Variants in COL8A2 observed in about 807,000 individuals in gnomAD.
The protein encoded by COL8A2 is collagen type VIII alpha 2 chain.
In COL8A2, 16 loss-of-function variants were observed where a neutral mutation model predicts 24.0. The observed-to-expected ratio is 0.67, with a 90% CI of 0.45 to 1.01. COL8A2 has a LOEUF of 1.01. COL8A2 is among the 50% of genes least tolerant of loss of function. The pLI is 0.00. For synonymous variants in COL8A2, 466 were observed against 424.5 expected, an observed-to-expected ratio of 1.10 and a Z score of -1.20; for missense variants, 818 against 942.4, an observed-to-expected ratio of 0.87 and a Z score of 1.73.
chr1:36,100,887 C>CTTTTTTTTTTTTTT (rs139330748), intron 2 of COL8A2, among the ~76,000 whole-genome samples: 9 of 50,160 alleles, frequency 1.8e-4, no homozygotes, highest in African/African-American at 5.7e-4. Flanking sequence ...GCATTCAAGG[C>CTTTTTTTTTTTTTT]TTTTTTTTTT....
At chr1:36,102,664 G>GCTT (rs1553177881) in intron 2 of COL8A2, among the ~76,000 whole-genome samples, 2 of 94,780 alleles carry the variant, frequency 2.1e-5, no homozygotes, top group African/African-American at 4.2e-5. Context: ...TATAAAGCTG[G>GCTT]TTTTTTGTTT....
chr1:36,110,916 G>C (rs1643832289), intron 2 of COL8A2, among the ~76,000 whole-genome samples: 1 of 152,132 alleles, frequency 6.6e-6, no homozygotes, highest in Admixed American at 6.5e-5. Flanking sequence ...TGGACCTTGG[G>C]GAGGAGCAGA....
At position 36,099,983 on chromosome 1, in the gene COL8A2, C is replaced by G. The variant is rs274753; in HGVS notation, c.193+67G>C. ...GAGGGCGCCTGAGGATCTGATGGCT[C>G]TCAGGGAGGCAGGGGATTTGGGGGC... On this transcript the variant is annotated intron_variant, in intron 3 of 3. Coordinates refer to ENST00000397799, the MANE Select transcript of COL8A2 (RefSeq NM_005202.4). 1,335,684 of 1,500,240 alleles carry G rather than the reference C, an allele frequency of 0.89. 595,404 individuals carry two copies. Among genetic ancestry groups the G allele is most frequent in the East Asian group, 1 (43,967 of 43,984 alleles). 92.9% of individuals were successfully genotyped at this position (1,500,240 alleles called of 1,614,324 possible).
chr1:36,098,793 C>A lies in COL8A2; in HGVS notation c.888G>T (p.Gly296=). 1.9e-6 allele frequency: 3 copies of A among 1,612,118 alleles called. No homozygotes were observed. The highest frequency in any genetic ancestry group is 2.5e-6 in the Non-Finnish European group (3 of 1,179,738). Residue 296 remains glycine, a synonymous_variant, in exon 4 of 4, where the codon GGG becomes GGT. Coordinates refer to ENST00000397799, the MANE Select transcript of COL8A2 (RefSeq NM_005202.4). ...CCCGGGTCCCTGGCTCCCCTTTGGC[C>A]CCTGATGGGCCCTGTGGTCCTGGCA... The part of the protein sequence containing the change: ...AGLPGPQGPS[G]AKGEPGTRGP...
intron 2 of COL8A2, among the ~76,000 whole-genome samples, chr1:36,109,054 G>T (rs1643801658): frequency 6.6e-6 from 1 of 152,208 alleles, no homozygotes. Context: ...CACAGGGTGG[G>T]TGGATGAAAC....
intron 2 of COL8A2, among the ~76,000 whole-genome samples, chr1:36,105,792 TTAAAA>T (rs1234291894): frequency 6.6e-6 from 1 of 150,722 alleles, no homozygotes; most frequent in East Asian, 2.0e-4. Flanking sequence ...ACCAAAAAAA[TTAAAA>T]AGTTAGCCAG....
Position 36,098,658 on chromosome 1 carries a change from C to T in COL8A2, c.1023G>A (p.Glu341=), listed in dbSNP as rs370165687. 2 of 1,610,406 alleles carry T rather than the reference C, an allele frequency of 1.2e-6. No homozygotes were observed. Among genetic ancestry groups the T allele is most frequent in the African/African-American group, 2.7e-5 (2 of 74,920 alleles). ...CCCCTGGCTCCCCATCCTCCCCTGG[C>T]TCACCCCTGTCCCCCAAGAGTCCTG... is the stretch of plus-strand genomic sequence containing the variant. ...GVPGLLGDRG[E]PGEDGEPGEQ... is the part of the protein sequence containing the mutation. Residue 341 remains glutamate (E), a synonymous_variant, in exon 4 of 4, where the codon GAG becomes GAA. Coordinates refer to ENST00000397799, the MANE Select transcript of COL8A2 (RefSeq NM_005202.4).
At chr1:36,114,913 C>T (rs564380516) in intron 2 of COL8A2, among the ~76,000 whole-genome samples, 1 of 152,326 alleles carries the variant, frequency 6.6e-6, no homozygotes, top group African/African-American at 2.4e-5. Flanking sequence ...GACCAAGCCC[C>T]TGGCCTCTGC....
rs942490403 is a variant in COL8A2, at chr1:36,123,481, C to G, written c.-62+1576G>C. Among the ~76,000 whole-genome samples the G allele has an allele frequency of 2.0e-5, 3 of 152,200 alleles. No individual in the cohort carries two copies. Among genetic ancestry groups the G allele is most frequent in the South Asian group, 4.1e-4 (2 of 4,832 alleles). On this transcript the variant is annotated intron_variant, in intron 1 of 3. Transcript: ENST00000397799. This position sits in a 1 kb window ranked among gnomAD's most constrained non-coding sequence, Gnocchi z 4.1. ...TCCTCTGAGCCAAAGAGCGGAAATT[C>G]TCATTTTCACTGTGGTAGACGAAGT...
intron 2 of COL8A2, among the ~76,000 whole-genome samples, chr1:36,114,111 G>A (rs1265034137): frequency 6.6e-6 from 1 of 152,050 alleles, no homozygotes; most frequent in Admixed American, 6.5e-5. Flanking sequence ...GAGGTCAGGA[G>A]ATCAAGACTA....
intron 2 of COL8A2, among the ~76,000 whole-genome samples, chr1:36,108,512 G>A (rs569535614): frequency 8.5e-5 from 13 of 152,250 alleles, no homozygotes; most frequent in Non-Finnish European, 1.8e-4. Flanking sequence ...TTCAGAGGAC[G>A]GCGCAGTGGC....
chr1:36,100,139 G>A lies in COL8A2; in HGVS notation c.104C>T (p.Ala35Val), dbSNP rs530477885. ...GTACTTCACTGGGGCATAGCCCGCC[G>A]CCCCACCGGCCCCGCCACCAGAGGA... ...RASSGGGAGG[A>V]AGYAPVKYIQ... Residue 35 changes from alanine to valine, a missense_variant, in exon 3 of 4, where the codon GCG becomes GTG. Coordinates refer to ENST00000397799, the MANE Select transcript of COL8A2 (RefSeq NM_005202.4). 3.5e-5 allele frequency: 57 copies of A among 1,612,056 alleles called. 1 individual carries two copies. In the South Asian group the frequency reaches 3.7e-4, roughly 11 times the overall value.
intron 1 of COL8A2, among the ~76,000 whole-genome samples, chr1:36,121,683 G>A (rs2124114408): frequency 6.6e-6 from 1 of 151,376 alleles, no homozygotes; most frequent in South Asian, 2.1e-4. Flanking sequence ...CTCCAGCCTG[G>A]GTGACAAGAG....
intron 2 of COL8A2, among the ~76,000 whole-genome samples, chr1:36,108,692 G>A (rs1332292292): frequency 6.6e-6 from 1 of 152,160 alleles, no homozygotes; most frequent in Non-Finnish European, 1.5e-5. Flanking sequence ...GAGTGCTCTG[G>A]GATCTTTCAG....
At chr1:36,108,722 C>T (rs1261105838) in intron 2 of COL8A2, among the ~76,000 whole-genome samples, 1 of 152,014 alleles carries the variant, frequency 6.6e-6, no homozygotes, top group African/African-American at 2.4e-5. Flanking sequence ...GGCAGAGTGG[C>T]GGTGGTGTGC....
Position 36,108,446 on chromosome 1 carries a change from C to T in COL8A2, c.-17+7262G>A, listed in dbSNP as rs539195297. Among the ~76,000 whole-genome samples, 15 of 152,320 alleles carry T rather than the reference C, an allele frequency of 9.8e-5. No individual in the cohort carries two copies. In the East Asian group the frequency reaches 1.9e-3, roughly 20 times the overall value. On this transcript the variant is annotated intron_variant, in intron 2 of 3. Coordinates refer to ENST00000397799, the MANE Select transcript of COL8A2 (RefSeq NM_005202.4). ...CCCTTGGGAAATGAAGGTAGAAAGA[C>T]GGCAGGGCTGGCAGGGGCACGGAGC...
At chr1:36,106,771 C>G (rs1479741196) in intron 2 of COL8A2, among the ~76,000 whole-genome samples, 2 of 152,202 alleles carry the variant, frequency 1.3e-5, no homozygotes, top group Non-Finnish European at 2.9e-5. Context: ...GCAAGCTGCC[C>G]ACCTTTCCTT....
rs201740362 is a variant in COL8A2 at position 36,099,497 on chromosome 1, A to G, written c.194-10T>C. On this transcript the variant is annotated splice_polypyrimidine_tract_variant and intron_variant, in intron 3 of 3. Transcript: ENST00000397799. ...AGCGGTAGAGGCATTTCTGAGAAAG[A>G]AAGAGAAAGGGGCAGTCAGGGGCCT... 369 of 1,529,972 alleles carry G rather than the reference A, an allele frequency of 2.4e-4. No individual in the cohort carries two copies. In the African/African-American group the frequency reaches 4.2e-3, roughly 17 times the overall value. 94.8% of individuals were successfully genotyped at this position (1,529,972 alleles called of 1,614,324 possible). A position where few individuals can be genotyped will look rare whatever the true frequency, so the allele number is the denominator to read the frequency against.
At chr1:36,110,677 A>T (rs1009905716) in intron 2 of COL8A2, among the ~76,000 whole-genome samples, 5 of 152,134 alleles carry the variant, frequency 3.3e-5, no homozygotes, top group African/African-American at 1.2e-4. Flanking sequence ...TGTTTAGTAG[A>T]GATGGGGTTT....
Sources: allele counts gnomAD v4.1 joint callset (sites outside exome capture counted in the v4.1 genomes callset), GRCh38; gene constraint gnomAD v4.1.1; non-coding constraint Gnocchi (gnomAD v3.1); transcripts MANE v1.5; gene names NCBI Gene and HGNC (gene_info 2026-07-23, HGNC 2026-07-21).